ERMAP: variants seen among roughly 807,000 people sequenced by gnomAD.
ERMAP encodes the protein erythroblast membrane associated protein (Scianna blood group), also known as erythroid membrane-associated protein.
In ERMAP, 34 loss-of-function variants were observed where a neutral mutation model predicts 49.5. The observed-to-expected ratio is 0.69, with a 90% CI of 0.52 to 0.91. ERMAP has a LOEUF of 0.91. ERMAP is among the 40% of genes least tolerant of loss of function. ERMAP has a pLI of 0.00. For missense variants in ERMAP, 541 were observed against 582.6 expected (o/e 0.93, Z 0.74); for synonymous variants, 214 against 232.2 (o/e 0.92, Z 0.71).
chr1:42,839,639 C>T (rs1557613543), intron 8 of ERMAP: 1 of 235,364 alleles, frequency 4.2e-6, no homozygotes, highest in South Asian at 9.1e-5. Flanking sequence ...AATCTGTAGA[C>T]ATGTGACATA....
intron 7 of ERMAP, among the ~76,000 whole-genome samples, chr1:42,838,197 G>A (rs189182449): frequency 4.6e-5 from 7 of 152,316 alleles, no homozygotes; most frequent in Admixed American, 3.9e-4. Flanking sequence ...TGTTAGTAGT[G>A]GAGATGGTAA....
chr1:42,838,767 C>A, intron 7 of ERMAP, 134 bp from the exon 8 acceptor site: 4 of 1,385,774 alleles, frequency 2.9e-6, no homozygotes, highest in Non-Finnish European at 4.0e-6. Context: ...CTCTGGGACA[C>A]GGAGCTGGAC....
chr1:42,820,825 C>G (rs1426187062), intron 1 of ERMAP, among the ~76,000 whole-genome samples: 1 of 152,146 alleles, frequency 6.6e-6, no homozygotes, highest in Non-Finnish European at 1.5e-5. Flanking sequence ...ATTTTGGTCT[C>G]TGGCTTTCAA....
chr1:42,823,662 A>C (rs959830784), intron 1 of ERMAP, among the ~76,000 whole-genome samples: 6 of 152,236 alleles, frequency 3.9e-5, no homozygotes, highest in Non-Finnish European at 8.8e-5. Flanking sequence ...ACTTCAGCTC[A>C]CAACTCAATC....
rs1411452073 is a variant in ERMAP, at chr1:42,825,719, C to T, written c.-25C>T. On this transcript the variant is annotated 5_prime_UTR_variant, in exon 2 of 12. Coordinates refer to ENST00000372517, the MANE Select transcript of ERMAP (RefSeq NM_001017922.2). ...CAGCTTTGCCTGTGAGAGGAACAAGCGTCCCTGATCCAGAAGGTGGTGAGT... is the reference window on the plus strand; with the variant it reads ...CAGCTTTGCCTGTGAGAGGAACAAGTGTCCCTGATCCAGAAGGTGGTGAGT... 3.9e-6 allele frequency: 5 copies of T among 1,289,266 alleles called. No individual in the cohort carries two copies. The highest frequency in any genetic ancestry group is 3.7e-5 in the South Asian group (3 of 81,040). The allele number at this position is 1,289,266 out of a possible 1,614,324, so 79.9% of individuals were successfully genotyped here.
chr1:42,843,398 GCTTAC>G lies in ERMAP; in HGVS notation c.*170_*174del, dbSNP rs1655125663. The G allele has an allele frequency of 1.1e-5, 6 of 537,202 alleles. No individual in the cohort carries two copies. Among genetic ancestry groups the G allele is most frequent in the Non-Finnish European group, 1.9e-5 (6 of 312,446 alleles). 33.3% of individuals were successfully genotyped at this position (537,202 alleles called of 1,614,324 possible). A position where few individuals can be genotyped will look rare whatever the true frequency, so the allele number is the denominator to read the frequency against. On this transcript the variant is annotated 3_prime_UTR_variant, in exon 12 of 12. Coordinates refer to ENST00000372517, the MANE Select transcript of ERMAP (RefSeq NM_001017922.2). ...TTTTCTCCCAGGCCTCAGTTCTGAA[GCTTAC>G]CTTTCTTCTAAGGAATTGAAGCTCC...
chr1:42,825,400 G>C, intron 1 of ERMAP: 2 of 879,926 alleles, frequency 2.3e-6, no homozygotes, highest in Non-Finnish European at 2.7e-6. Flanking sequence ...TGGAGGAAAA[G>C]GGAGTGGAGG....
At chr1:42,823,398 A>C (rs909220198) in intron 1 of ERMAP, among the ~76,000 whole-genome samples, 15 of 152,228 alleles carry the variant, frequency 9.9e-5, no homozygotes, top group Non-Finnish European at 1.8e-4. Context: ...ATCAATGCCA[A>C]TCTCATCAGA....
At chr1:42,822,013 T>TAA (rs534622784) in intron 1 of ERMAP, among the ~76,000 whole-genome samples, 4 of 115,970 alleles carry the variant, frequency 3.4e-5, no homozygotes, top group East Asian at 2.3e-4. Flanking sequence ...ACCCTAGCTC[T>TAA]AAAAAAAAAA....
At chr1:42,818,585 A>G (rs1325237747) in intron 1 of ERMAP, among the ~76,000 whole-genome samples, 1 of 152,192 alleles carries the variant, frequency 6.6e-6, no homozygotes, top group African/African-American at 2.4e-5. Context: ...CTCCCACCTC[A>G]GCCTCCAAAG....
intron 2 of ERMAP, among the ~76,000 whole-genome samples, chr1:42,826,577 G>C (rs1654557575): frequency 6.6e-6 from 1 of 152,158 alleles, no homozygotes; most frequent in South Asian, 2.1e-4. Flanking sequence ...CAAAGTCATG[G>C]CTGGGCGCAG....
At chr1:42,837,114 G>C in intron 6 of ERMAP, 44 bp from the exon 7 acceptor site, 1 of 1,611,392 alleles carries the variant, frequency 6.2e-7, no homozygotes, top group Non-Finnish European at 8.5e-7. Context: ...GGATCCTCAA[G>C]GCAGTGGCAA....
At chr1:42,827,839 C>A (rs1654598009) in intron 2 of ERMAP, among the ~76,000 whole-genome samples, 1 of 152,054 alleles carries the variant, frequency 6.6e-6, no homozygotes, top group Non-Finnish European at 1.5e-5. Flanking sequence ...TATCTGCTTC[C>A]AGAAAGGATC....
chr1:42,828,486 T>TC (rs1654619630), intron 2 of ERMAP, among the ~76,000 whole-genome samples: 1 of 106,890 alleles, frequency 9.4e-6, no homozygotes, highest in African/African-American at 3.5e-5. Flanking sequence ...AGCTCATTCT[T>TC]TTTTTAAAAA....
Position 42,819,206 on chromosome 1 carries a change from T to TGCGCGC in ERMAP, c.-122+1958_-122+1963dup, listed in dbSNP as rs3048761. 1.2e-5 allele frequency among the ~76,000 whole-genome samples: 1 copy of TGCGCGC among 81,726 alleles called. No homozygotes were observed. The highest frequency in any genetic ancestry group is 3.5e-5 in the African/African-American group (1 of 28,540). 53.6% of individuals were successfully genotyped at this position (81,726 alleles called of 152,430 possible). ...GTGTGTGTGTGTGTGTGTGTGTGTG[T>TGCGCGC]GCGCGCGCGCAAGAGAGGGACCGAG... On this transcript the variant is annotated intron_variant, in intron 1 of 11. Coordinates refer to ENST00000372517, the MANE Select transcript of ERMAP (RefSeq NM_001017922.2). The surrounding 1 kb of genome is among the most constrained non-coding windows in gnomAD (Gnocchi z 5.1).
At chr1:42,834,176 T>C (rs1413517636) in intron 4 of ERMAP, among the ~76,000 whole-genome samples, 1 of 152,186 alleles carries the variant, frequency 6.6e-6, no homozygotes, top group Non-Finnish European at 1.5e-5. Context: ...CTTCTACCCA[T>C]AGCCCGCTTC....
At chr1:42,830,627 G>A in intron 3 of ERMAP, 94 bp downstream of exon 3, 1 of 1,499,804 alleles carries the variant, frequency 6.7e-7, no homozygotes, top group East Asian at 2.3e-5. Flanking sequence ...TGTCTTTTGG[G>A]GTTCTGTTCC....
chr1:42,830,478 GCT>G lies in ERMAP; in HGVS notation c.35_36del (p.Ser12TrpfsTer76). On this transcript the variant is annotated frameshift_variant, in exon 3 of 12. Transcript: ENST00000372517. LOFTEE classifies it high-confidence loss of function. The stretch of plus-strand genomic sequence containing the variant: ...AGATGGCGAGTTCTGCTGGCTCCTG[GCT>G]CTCTGGCTGCCTCATCCCTCTCGTC... MEMASSAGSW[L>X]SGCLIPLVFL... 2 of 1,614,130 alleles carry G rather than the reference GCT, an allele frequency of 1.2e-6. No individual in the cohort carries two copies. Among genetic ancestry groups the G allele is most frequent in the South Asian group, 1.1e-5 (1 of 91,082 alleles).
At chr1:42,824,500 G>C (rs774101322) in intron 1 of ERMAP, 1 of 152,236 alleles carries the variant, frequency 6.6e-6, no homozygotes, top group African/African-American at 2.4e-5. Context: ...CTAGTGCTCT[G>C]TGAAACAACC....
Sources: allele counts gnomAD v4.1 joint callset (sites outside exome capture counted in the v4.1 genomes callset), GRCh38; gene constraint gnomAD v4.1.1; non-coding constraint Gnocchi (gnomAD v3.1); transcripts MANE v1.5; gene names NCBI Gene and HGNC (gene_info 2026-07-23, HGNC 2026-07-21).